Variants in PRTFDC1 observed in about 807,000 individuals in gnomAD.
The protein encoded by PRTFDC1 is phosphoribosyl transferase domain containing 1.
In PRTFDC1, 38 loss-of-function variants were observed where a neutral mutation model predicts 34.6. That is an observed-to-expected ratio of 1.10 (90% CI 0.85 to 1.44). The LOEUF (loss-of-function observed/expected upper bound fraction) is 1.44. Among genes scored for constraint, PRTFDC1 ranks in the 40% most tolerant of loss-of-function variants. PRTFDC1 has a pLI of 0.00. For synonymous variants in PRTFDC1, 93 were observed against 98.1 expected (o/e 0.95, Z 0.31); for missense variants, 270 against 283.0 (o/e 0.95, Z 0.33).
At chr10:24,931,913 GA>G (rs374618686) in intron 3 of PRTFDC1, among the ~76,000 whole-genome samples, 12 of 132,284 alleles carry the variant, frequency 9.1e-5, no homozygotes, top group East Asian at 6.3e-4. Flanking sequence ...GGCACTATAA[GA>G]AAAAAAAAAA....
chr10:24,852,375 A>T (rs1181306017), intron 7 of PRTFDC1, among the ~76,000 whole-genome samples: 1 of 151,934 alleles, frequency 6.6e-6, no homozygotes, highest in Non-Finnish European at 1.5e-5. Context: ...CCAGTCTCGA[A>T]CTCTTGACCT....
intron 4 of PRTFDC1, among the ~76,000 whole-genome samples, chr10:24,867,314 T>C (rs1588578816): frequency 1.3e-5 from 2 of 152,286 alleles, no homozygotes; most frequent in East Asian, 3.9e-4. Flanking sequence ...TCTTCCACCC[T>C]AACTTGGCTC....
intron 3 of PRTFDC1, among the ~76,000 whole-genome samples, chr10:24,913,012 C>T (rs552281466): frequency 6.6e-6 from 1 of 152,298 alleles, no homozygotes; most frequent in Non-Finnish European, 1.5e-5. Flanking sequence ...ATTCCACTTA[C>T]AATTTTTCGA....
At chr10:24,951,431 A>C in intron 1 of PRTFDC1, 1 of 510,264 alleles carries the variant, frequency 2.0e-6, no homozygotes, top group Non-Finnish European at 2.5e-6. Context: ...TGGAATGAAT[A>C]AATCAACTCC....
chr10:24,866,326 A>T (rs1847773810), intron 4 of PRTFDC1, among the ~76,000 whole-genome samples: 1 of 144,960 alleles, frequency 6.9e-6, no homozygotes, highest in Admixed American at 7.5e-5. Flanking sequence ...GTACCACTGC[A>T]CTCCAGCCTG....
intron 3 of PRTFDC1, among the ~76,000 whole-genome samples, chr10:24,880,823 C>CTTTCTTTCTTTCTT (rs1320321659): frequency 1.1e-4 from 13 of 113,448 alleles, no homozygotes; most frequent in African/African-American, 5.4e-4. Flanking sequence ...CTCTTTCTTT[C>CTTTCTTTCTTTCTT]TTTCTTTCTT....
intron 3 of PRTFDC1, among the ~76,000 whole-genome samples, chr10:24,921,064 C>G (rs1848779695): frequency 6.6e-6 from 1 of 151,684 alleles, no homozygotes; most frequent in South Asian, 2.1e-4. Flanking sequence ...AAGTATTTCC[C>G]TGCCTACAAC....
At chr10:24,883,539 C>A (rs1337333256) in intron 3 of PRTFDC1, among the ~76,000 whole-genome samples, 1 of 152,106 alleles carries the variant, frequency 6.6e-6, no homozygotes, top group Non-Finnish European at 1.5e-5. Flanking sequence ...TAGATGACCC[C>A]AGGAAAAGAG....
intron 3 of PRTFDC1, among the ~76,000 whole-genome samples, chr10:24,894,649 G>A (rs1247320770): frequency 1.3e-5 from 2 of 152,184 alleles, no homozygotes; most frequent in East Asian, 3.9e-4. Flanking sequence ...GCGATCCCCA[G>A]GGCAGCTCCA....
At chr10:24,908,385 T>A in intron 3 of PRTFDC1, 18 of 1,304,544 alleles carry the variant, frequency 1.4e-5, no homozygotes, top group Non-Finnish European at 1.9e-5. Flanking sequence ...AAGAAATACA[T>A]CATCCAGCAG....
At chr10:24,861,229 C>T (rs117722746) in intron 4 of PRTFDC1, among the ~76,000 whole-genome samples, 2,946 of 152,078 alleles carry the variant, frequency 0.019, 74 homozygotes, top group East Asian at 0.12. Context: ...GGCCAGGCGC[C>T]GTGGCTCACA....
intron 3 of PRTFDC1, among the ~76,000 whole-genome samples, chr10:24,924,410 TG>T (rs1848839708): frequency 6.6e-6 from 1 of 152,168 alleles, no homozygotes; most frequent in Non-Finnish European, 1.5e-5. Context: ...AGAGAAAGGT[TG>T]GGTTACCCAC....
In PRTFDC1 at chr10:24,884,268, T is replaced by G. The variant is rs187246672; in HGVS notation, c.340-12205A>C. 2.4e-4 allele frequency among the ~76,000 whole-genome samples: 36 copies of G among 152,316 alleles called. 1 individual carries two copies. The highest frequency in any genetic ancestry group is 1.2e-4 in the Non-Finnish European group (8 of 68,030). On this transcript the variant is annotated intron_variant, in intron 3 of 8. Transcript: ENST00000320152. Reference sequence around the variant, plus strand: ...AGCTCTCATGAAACTGTTTTAAGATTGCCAGGAGGATGACATGGTGTTGAG... The same window carrying G: ...AGCTCTCATGAAACTGTTTTAAGATGGCCAGGAGGATGACATGGTGTTGAG...
At chr10:24,858,253 C>T in intron 5 of PRTFDC1, 139 bp downstream of exon 5, 1 of 810,128 alleles carries the variant, frequency 1.2e-6, no homozygotes, top group Admixed American at 2.5e-5. Flanking sequence ...TATCTGGCCC[C>T]TATTCATTAA....
At chr10:24,869,083 C>T (rs1293166073) in intron 4 of PRTFDC1, among the ~76,000 whole-genome samples, 2 of 152,154 alleles carry the variant, frequency 1.3e-5, no homozygotes, top group Non-Finnish European at 2.9e-5. Context: ...CAACACATTG[C>T]TGTTAACCAT....
chr10:24,897,673 G>T (rs947402797), intron 3 of PRTFDC1, among the ~76,000 whole-genome samples: 2 of 152,160 alleles, frequency 1.3e-5, no homozygotes, highest in Non-Finnish European at 2.9e-5. Context: ...AACACAATGA[G>T]GTGGCCCTTT....
chr10:24,895,545 C>T (rs1848340921), intron 3 of PRTFDC1, among the ~76,000 whole-genome samples: 3 of 151,196 alleles, frequency 2.0e-5, no homozygotes, highest in African/African-American at 7.3e-5. Flanking sequence ...GCCACCACGC[C>T]CAGTCTTCAC....
intron 3 of PRTFDC1, among the ~76,000 whole-genome samples, chr10:24,875,622 G>T (rs1381139260): frequency 6.6e-6 from 1 of 151,606 alleles, no homozygotes; most frequent in Non-Finnish European, 1.5e-5. Flanking sequence ...CTTCCAAGTG[G>T]GTATATTGTC....
At chr10:24,925,592 G>T (rs2132590192) in intron 3 of PRTFDC1, among the ~76,000 whole-genome samples, 1 of 152,310 alleles carries the variant, frequency 6.6e-6, no homozygotes, top group African/African-American at 2.4e-5. Flanking sequence ...GCATGCTTAA[G>T]TTTCATGGGA....
Sources: gnomAD v4.1 joint callset for allele counts (sites outside exome capture counted in the v4.1 genomes callset) on GRCh38, gnomAD v4.1.1 for gene constraint, MANE v1.5 for transcripts, NCBI Gene and HGNC (gene_info 2026-07-23, HGNC 2026-07-21) for gene names.